Variants in FGL1 observed in about 807,000 individuals in gnomAD.
FGL1 encodes the protein fibrinogen-like protein 1.
FGL1 carries 59 observed loss-of-function variants against 43.7 expected under a neutral mutation model. The ratio of observed to expected loss-of-function variants is 1.35; its 90% confidence interval spans 1.10 to 1.68. FGL1 has a LOEUF of 1.68. Among genes scored for constraint, FGL1 ranks in the 40% most tolerant of loss-of-function variants. The pLI is 0.00. For synonymous variants in FGL1, 192 were observed against 126.5 expected (o/e 1.52, Z -3.48); for missense variants, 596 against 373.0 (o/e 1.60, Z -4.92).
chr8:17,878,585 C>A (rs1218015991), intron 3 of FGL1, among the ~76,000 whole-genome samples: 1 of 152,058 alleles, frequency 6.6e-6, no homozygotes, highest in African/African-American at 2.4e-5. Context: ...ACACAGTAAC[C>A]TTTTAATTCA....
At chr8:17,879,525 C>G (rs2517315) in intron 3 of FGL1, among the ~76,000 whole-genome samples, 102,402 of 151,774 alleles carry the variant, frequency 0.67, 35,082 homozygotes, top group Middle Eastern at 0.74. Flanking sequence ...TCTTGGTACT[C>G]TACAGTGAGT....
At chr8:17,894,747 T>C (rs868643502) in intron 1 of FGL1, among the ~76,000 whole-genome samples, 2 of 146,702 alleles carry the variant, frequency 1.4e-5, no homozygotes, top group South Asian at 2.1e-4. Flanking sequence ...GAAATTTTCT[T>C]ATTCCAATGT....
chr8:17,879,174 A>G (rs2053499153), intron 3 of FGL1, among the ~76,000 whole-genome samples: 1 of 151,882 alleles, frequency 6.6e-6, no homozygotes, highest in South Asian at 2.1e-4. Context: ...TCTTATTATT[A>G]TAACAGTATT....
At chr8:17,872,142 A>T (rs2053372869) in intron 5 of FGL1, among the ~76,000 whole-genome samples, 3 of 152,114 alleles carry the variant, frequency 2.0e-5, no homozygotes, top group Non-Finnish European at 4.4e-5. Context: ...ACATACAAAG[A>T]AAGTATAAGG....
At chr8:17,880,903 T>C (rs2053524364) in intron 3 of FGL1, among the ~76,000 whole-genome samples, 3 of 152,210 alleles carry the variant, frequency 2.0e-5, no homozygotes, top group African/African-American at 7.2e-5. Flanking sequence ...AAATACCTCA[T>C]TGAAAGGAAC....
At chr8:17,882,739 A>AAT (rs1563457488) in intron 2 of FGL1, 5 of 123,042 alleles carry the variant, frequency 4.1e-5, no homozygotes, top group African/African-American at 1.0e-4. Context: ...GCATATAAAT[A>AAT]ATATATAATA....
chr8:17,886,224 A>T (rs1166238275), intron 1 of FGL1, among the ~76,000 whole-genome samples: 1 of 152,178 alleles, frequency 6.6e-6, no homozygotes, highest in Non-Finnish European at 1.5e-5. Flanking sequence ...GTCTGTTTAT[A>T]CTGACATACT....
intron 2 of FGL1, 82 bp downstream of exon 2, chr8:17,885,410 T>C (rs1361954030): frequency 2.5e-6 from 3 of 1,204,962 alleles, no homozygotes; most frequent in African/African-American, 3.1e-5. Flanking sequence ...GACAAGTCAC[T>C]ATAGGTTTAA....
intron 2 of FGL1, among the ~76,000 whole-genome samples, chr8:17,883,678 A>G (rs1265893117): frequency 2.7e-5 from 4 of 145,552 alleles, no homozygotes; most frequent in African/African-American, 1.0e-4. Context: ...ATAGTCTATA[A>G]TATATATATA....
chr8:17,875,519 CTT>C lies in FGL1; in HGVS notation c.245-1000_245-999del, dbSNP rs748936737. Among the ~76,000 whole-genome samples the C allele has an allele frequency of 3.8e-3, 38 of 9,986 alleles. 1 individual carries two copies. Among genetic ancestry groups the C allele is most frequent in the African/African-American group, 7.1e-3 (21 of 2,970 alleles). The allele number at this position is 9,986 out of a possible 152,430, so 6.6% of individuals were successfully genotyped here. A position where few individuals can be genotyped will look rare whatever the true frequency, so the allele number is the denominator to read the frequency against. On this transcript the variant is annotated intron_variant, in intron 3 of 7. Transcript: ENST00000427924. The stretch of plus-strand genomic sequence containing the variant: ...TCTTTCTTTCTTTCTTTCTTTCTTT[CTT>C]TCTTTCTTTCTTTCTCTTTCTTTCT...
At chr8:17,886,226 T>C (rs947712138) in intron 1 of FGL1, among the ~76,000 whole-genome samples, 117 of 152,246 alleles carry the variant, frequency 7.7e-4, no homozygotes, top group Non-Finnish European at 1.5e-4. Context: ...CTGTTTATAC[T>C]GACATACTTT....
chr8:17,881,848 AAGTAAAGTGT>A, intron 3 of FGL1, 141 bp downstream of exon 3: 1 of 668,676 alleles, frequency 1.5e-6, no homozygotes, highest in Non-Finnish European at 2.3e-6. Flanking sequence ...AAAAAAAAAA[AAGTAAAGTGT>A]GAAAGAAGAC....
chr8:17,869,117 A>T, intron 5 of FGL1, 113 bp from the exon 6 acceptor site: 3 of 618,944 alleles, frequency 4.8e-6, no homozygotes, highest in Non-Finnish European at 8.3e-6. Flanking sequence ...CCCTTGGCCA[A>T]GAATCAGTTT....
At chr8:17,873,405 G>C (rs1281118528) in intron 5 of FGL1, among the ~76,000 whole-genome samples, 2 of 152,118 alleles carry the variant, frequency 1.3e-5, no homozygotes, top group African/African-American at 2.4e-5. Context: ...CAGTGAGGAA[G>C]TTGATGGCAG....
rs35037651 is a variant in FGL1, at chr8:17,879,338, G to A, written c.244+2661C>T. Among the ~76,000 whole-genome samples the A allele has an allele frequency of 4.4e-3, 673 of 152,084 alleles. 5 individuals carry two copies. The highest frequency in any genetic ancestry group is 0.016 in the African/African-American group (646 of 41,488). On this transcript the variant is annotated intron_variant, in intron 3 of 7. Coordinates refer to ENST00000427924, the MANE Select transcript of FGL1 (RefSeq NM_004467.4). ...CCTTGGTGACCCCTTACTTCCCAAAGTCTGCTCCCCAGCAGTGTCAACACA... is the reference window on the plus strand; with the variant it reads ...CCTTGGTGACCCCTTACTTCCCAAAATCTGCTCCCCAGCAGTGTCAACACA...
intron 1 of FGL1, among the ~76,000 whole-genome samples, chr8:17,892,770 A>G (rs940913707): frequency 1.3e-5 from 2 of 152,376 alleles, no homozygotes; most frequent in Non-Finnish European, 2.9e-5. Flanking sequence ...TCAAAAATTA[A>G]AAATCATGAA....
At chr8:17,890,658 T>C (rs976871919) in intron 1 of FGL1, among the ~76,000 whole-genome samples, 5 of 152,184 alleles carry the variant, frequency 3.3e-5, no homozygotes, top group Non-Finnish European at 7.3e-5. Context: ...AAGATCTGCC[T>C]GAGACTGGGT....
chr8:17,872,829 T>C (rs7815785), intron 5 of FGL1, among the ~76,000 whole-genome samples: 78,804 of 152,032 alleles, frequency 0.52, 23,129 homozygotes, highest in Non-Finnish European at 0.68. Flanking sequence ...ACTCTAAAGA[T>C]AAGAATTTAA....
At chr8:17,887,621 G>A (rs750981638) in intron 1 of FGL1, among the ~76,000 whole-genome samples, 3 of 152,068 alleles carry the variant, frequency 2.0e-5, no homozygotes, top group Non-Finnish European at 2.9e-5. Context: ...AGGCCGAGGC[G>A]GGCGGATCAC....
Sources: gnomAD v4.1 joint callset for allele counts (sites outside exome capture counted in the v4.1 genomes callset) on GRCh38, gnomAD v4.1.1 for gene constraint, MANE v1.5 for transcripts, NCBI Gene and HGNC (gene_info 2026-07-23, HGNC 2026-07-21) for gene names.